TCF7L2: variants seen among roughly 807,000 people sequenced by gnomAD.
TCF7L2 encodes transcription factor 7 like 2, also known as transcription factor 7-like 2.
A neutral mutation model predicts 77.9 loss-of-function variants in TCF7L2; 23 were observed. The ratio of observed to expected loss-of-function variants is 0.30; its 90% CI spans 0.21 to 0.42. The LOEUF is 0.42. Among genes scored for constraint, TCF7L2 ranks in the 10% least tolerant of loss-of-function variants. The pLI is 1.00. For missense variants in TCF7L2, 654 were observed against 793.1 expected, an observed-to-expected ratio of 0.82 and a Z score of 2.11; for synonymous variants, 413 against 340.2, an observed-to-expected ratio of 1.21 and a Z score of -2.36.
chr10:113,057,350 T>C (rs1320465901), intron 5 of TCF7L2, among the ~76,000 whole-genome samples: 1 of 152,236 alleles, frequency 6.6e-6, no homozygotes, highest in Non-Finnish European at 1.5e-5. Context: ...TTTGTATTTT[T>C]AGTAAAGATG....
intron 4 of TCF7L2, among the ~76,000 whole-genome samples, chr10:113,033,478 A>T (rs7086857): frequency 2.0e-5 from 3 of 151,688 alleles, no homozygotes; most frequent in African/African-American, 7.3e-5. Context: ...GAACTCCTGG[A>T]CTCAAGCAAT....
chr10:113,018,775 T>G (rs2047779461), intron 4 of TCF7L2, among the ~76,000 whole-genome samples: 1 of 152,154 alleles, frequency 6.6e-6, no homozygotes, highest in Admixed American at 6.5e-5. Context: ...GCCTCTCTCC[T>G]GAGTCCTTTT....
chr10:113,086,206 G>A (rs1663809091), intron 5 of TCF7L2, among the ~76,000 whole-genome samples: 1 of 152,166 alleles, frequency 6.6e-6, no homozygotes, highest in Non-Finnish European at 1.5e-5. Context: ...TTCGTGGATG[G>A]ACAACTATGG....
chr10:113,050,264 C>T (rs139988434), intron 5 of TCF7L2, among the ~76,000 whole-genome samples: 131 of 152,178 alleles, frequency 8.6e-4, no homozygotes, highest in African/African-American at 1.1e-3. Flanking sequence ...ACAAGGACAC[C>T]GTCTGTGTTG....
rs368592547 is a variant in TCF7L2 at position 113,141,266 on chromosome 10, C to T, written c.635C>T (p.Thr212Met). 8.7e-6 allele frequency: 14 copies of T among 1,614,216 alleles called. No individual in the cohort carries two copies. The highest frequency in any genetic ancestry group is 1.7e-5 in the Admixed American group (1 of 60,030). The change falls in exon 6 of 14, where the codon ACG (threonine) becomes ATG (methionine). Residue 212 changes from threonine (T) to methionine (M), a missense_variant. Physicochemically the swap from Thr to Met is moderately conservative, Grantham distance 81. Transcript: ENST00000627217. ...ATCACGTACAGCAATGAACACTTCA[C>T]GCCGGGAAACCCACCTCCACACTTA... is the stretch of plus-strand genomic sequence containing the variant.
chr10:113,152,026 C>T (rs1411404766), intron 10 of TCF7L2, 142 bp downstream of exon 10: 15 of 1,192,534 alleles, frequency 1.3e-5, no homozygotes, highest in Non-Finnish European at 1.7e-5. Flanking sequence ...CTTGAATGGC[C>T]TTCACTGAGT....
chr10:113,015,961 G>C (rs909374068), intron 4 of TCF7L2, among the ~76,000 whole-genome samples: 1 of 152,182 alleles, frequency 6.6e-6, no homozygotes, highest in African/African-American at 2.4e-5. Context: ...CATTCCTTGG[G>C]GTCTGGGGTT....
intron 3 of TCF7L2, among the ~76,000 whole-genome samples, chr10:112,955,112 CCT>C (rs1474987354): frequency 1.3e-5 from 2 of 152,122 alleles, no homozygotes; most frequent in East Asian, 1.9e-4. Flanking sequence ...CCACCTCACC[CCT>C]GATTGTTTTG....
chr10:113,021,267 A>C (rs369247639), intron 4 of TCF7L2, among the ~76,000 whole-genome samples: 1 of 152,168 alleles, frequency 6.6e-6, no homozygotes, highest in African/African-American at 2.4e-5. Context: ...ATCAGAGTGC[A>C]TTCTGTATGG....
intron 3 of TCF7L2, among the ~76,000 whole-genome samples, chr10:112,957,900 G>A (rs2134382190): frequency 6.6e-6 from 1 of 152,320 alleles, no homozygotes; most frequent in South Asian, 2.1e-4. Flanking sequence ...GTATAAGGAG[G>A]AAGTGAGATT....
intron 5 of TCF7L2, among the ~76,000 whole-genome samples, chr10:113,046,326 C>T (rs1381520973): frequency 2.0e-5 from 3 of 152,118 alleles, no homozygotes; most frequent in East Asian, 1.9e-4. Context: ...TGCCCTCCCC[C>T]GTTTTTTTCA....
intron 4 of TCF7L2, among the ~76,000 whole-genome samples, chr10:113,016,945 G>T (rs2047431641): frequency 6.6e-6 from 1 of 152,092 alleles, no homozygotes; most frequent in Non-Finnish European, 1.5e-5. Context: ...TCTCTGCCCG[G>T]AGGCTCAGAA....
chr10:113,096,840 A>C (rs1285432771), intron 5 of TCF7L2, among the ~76,000 whole-genome samples: 1 of 152,028 alleles, frequency 6.6e-6, no homozygotes, highest in African/African-American at 2.4e-5. Context: ...CTCCCTCCAG[A>C]GGGGAGGGTG....
intron 13 of TCF7L2, among the ~76,000 whole-genome samples, chr10:113,162,290 G>A (rs1053906270): frequency 6.6e-6 from 1 of 152,074 alleles, no homozygotes; most frequent in African/African-American, 2.4e-5. Context: ...GGCCGGTTCA[G>A]GTACCTAGTT....
rs560440050 is a variant in TCF7L2 at position 112,960,665 on chromosome 10, C to T, written c.382-3891C>T. Among the ~76,000 whole-genome samples, 79 of 150,572 alleles carry T rather than the reference C, an allele frequency of 5.2e-4. No homozygotes were observed. In the South Asian group the frequency reaches 9.2e-3, roughly 18 times the overall value. ...TCCTGGTGACTGGTGCAGGACAGTCCCAAGAGATGAGGCAGATGGGAACCT... is the reference window on the plus strand; with the variant it reads ...TCCTGGTGACTGGTGCAGGACAGTCTCAAGAGATGAGGCAGATGGGAACCT... On this transcript the variant is annotated intron_variant, in intron 3 of 13. Transcript: ENST00000627217.
At chr10:113,024,738 G>A (rs1237587978) in intron 4 of TCF7L2, among the ~76,000 whole-genome samples, 5 of 149,304 alleles carry the variant, frequency 3.3e-5, no homozygotes, top group Non-Finnish European at 7.4e-5. Flanking sequence ...TCCTGCCTCA[G>A]CCTCCTGAGT....
intron 4 of TCF7L2, among the ~76,000 whole-genome samples, chr10:113,032,149 G>T (rs769824875): frequency 6.6e-6 from 1 of 152,220 alleles, no homozygotes; most frequent in African/African-American, 2.4e-5. Flanking sequence ...CGACTTTTGG[G>T]AGAGGGTGGA....
At chr10:113,148,484 A>G (rs1386097295) in intron 8 of TCF7L2, among the ~76,000 whole-genome samples, 2 of 152,200 alleles carry the variant, frequency 1.3e-5, no homozygotes, top group African/African-American at 4.8e-5. Context: ...AGGAAAATGC[A>G]TCCTACTGCT....
rs35054285 is a variant in TCF7L2 at position 112,957,190 on chromosome 10, CTTTTTTTTTTTTTT to C, written c.381+5596_381+5609del. Among the ~76,000 whole-genome samples the C allele has an allele frequency of 6.6e-5, 4 of 60,650 alleles. No individual in the cohort carries two copies. In the Admixed American group the frequency reaches 7.1e-4, roughly 11 times the overall value. The allele number at this position is 60,650 out of a possible 152,430, so 39.8% of individuals were successfully genotyped here. A position where few individuals can be genotyped will look rare whatever the true frequency, so the allele number is the denominator to read the frequency against. Reference sequence around the variant, plus strand: ...TCTTAATTCCCCCCAACACCCCCACCTTTTTTTTTTTTTTTTTTTTTTTTTTGAGATTACATTGC... The same window carrying C: ...TCTTAATTCCCCCCAACACCCCCACCTTTTTTTTTTTTGAGATTACATTGC... On this transcript the variant is annotated intron_variant, in intron 3 of 13. Transcript: ENST00000627217.
Sources: gnomAD v4.1 joint callset for allele counts (sites outside exome capture counted in the v4.1 genomes callset) on GRCh38, gnomAD v4.1.1 for gene constraint, MANE v1.5 for transcripts, NCBI Gene and HGNC (gene_info 2026-07-23, HGNC 2026-07-21) for gene names.